RSBN1: variants seen among roughly 807,000 people sequenced by gnomAD.
RSBN1 encodes lysine-specific demethylase 9.
RSBN1 carries 23 observed loss-of-function variants against 74.8 expected under a neutral mutation model. That is an observed-to-expected ratio of 0.31 (90% CI 0.22 to 0.44). RSBN1 has a LOEUF of 0.44. Ranked by LOEUF, RSBN1 falls within the 20% of genes least tolerant of loss-of-function variation. The pLI, the probability that RSBN1 is intolerant of heterozygous loss-of-function variation, is 1.00. For missense variants in RSBN1, 808 were observed against 1,020.9 expected, an observed-to-expected ratio of 0.79 and a Z score of 2.84; for synonymous variants, 407 against 379.6, an observed-to-expected ratio of 1.07 and a Z score of -0.84.
At chr1:113,773,341 A>G (rs1659917564) in intron 4 of RSBN1, among the ~76,000 whole-genome samples, 2 of 152,174 alleles carry the variant, frequency 1.3e-5, no homozygotes, top group Non-Finnish European at 2.9e-5. Context: ...CCTGGCCAAT[A>G]TGGCGAAACC....
intron 2 of RSBN1, among the ~76,000 whole-genome samples, chr1:113,780,214 A>G (rs1307349948): frequency 6.6e-6 from 1 of 152,226 alleles, no homozygotes; most frequent in African/African-American, 2.4e-5. Flanking sequence ...CCTAATTTAA[A>G]GCAGCCAAAA....
intron 2 of RSBN1, among the ~76,000 whole-genome samples, chr1:113,786,565 G>A (rs1297218680): frequency 6.6e-6 from 1 of 152,304 alleles, no homozygotes; most frequent in East Asian, 1.9e-4. Flanking sequence ...GATGGAGGAA[G>A]GGGCCACAAG....
intron 2 of RSBN1, among the ~76,000 whole-genome samples, chr1:113,795,225 C>T (rs1660447391): frequency 6.6e-6 from 1 of 152,168 alleles, no homozygotes; most frequent in South Asian, 2.1e-4. Context: ...GTTCAGGTGG[C>T]CTGGGTTTGC....
intron 2 of RSBN1, among the ~76,000 whole-genome samples, chr1:113,795,154 C>T (rs999818316): frequency 8.5e-5 from 13 of 152,132 alleles, no homozygotes; most frequent in African/African-American, 3.1e-4. Context: ...ATTTCACTGA[C>T]CAGAGTGTTA....
chr1:113,810,235 T>A (rs1197378171), intron 1 of RSBN1, among the ~76,000 whole-genome samples: 1 of 152,222 alleles, frequency 6.6e-6, no homozygotes, highest in Non-Finnish European at 1.5e-5. Flanking sequence ...TTCACCTTTT[T>A]AAAAAATATT....
At chr1:113,795,098 T>C (rs1660444863) in intron 2 of RSBN1, among the ~76,000 whole-genome samples, 1 of 152,224 alleles carries the variant, frequency 6.6e-6, no homozygotes, top group Non-Finnish European at 1.5e-5. Flanking sequence ...GTTAAAAATA[T>C]TAGAAACAAA....
intron 1 of RSBN1, among the ~76,000 whole-genome samples, chr1:113,803,876 G>T (rs1443740938): frequency 6.8e-6 from 1 of 147,258 alleles, no homozygotes; most frequent in Non-Finnish European, 1.5e-5. Context: ...ACTGAGGCAG[G>T]AAGACTGCTA....
chr1:113,803,788 ATCTAAATTTTCTCAT>A (rs1250879931), intron 1 of RSBN1, among the ~76,000 whole-genome samples: 1 of 152,070 alleles, frequency 6.6e-6, no homozygotes, highest in African/African-American at 2.4e-5. Context: ...ATCTCTTTAA[ATCTAAATTTTCTCAT>A]CTTAAAATGT....
At chr1:113,767,946 G>A (rs1659811472) in intron 5 of RSBN1, 2 of 262,796 alleles carry the variant, frequency 7.6e-6, no homozygotes, top group Non-Finnish European at 1.4e-5. Context: ...AAAGTAGAAT[G>A]ATGGTTACCA....
chr1:113,786,334 TA>T (rs1660242935), intron 2 of RSBN1, among the ~76,000 whole-genome samples: 1 of 152,176 alleles, frequency 6.6e-6, no homozygotes, highest in Non-Finnish European at 1.5e-5. Context: ...CCAAAGAACC[TA>T]ACCCCTAGAA....
rs1660526647 is a variant in RSBN1, at chr1:113,798,995, C to T, written c.704-959G>A. Among the ~76,000 whole-genome samples, 3 of 152,300 alleles carry T rather than the reference C, an allele frequency of 2.0e-5. No individual in the cohort carries two copies. In the South Asian group the frequency reaches 6.2e-4, roughly 32 times the overall value. ...TAAGCTTTGTATCCCCATCTCAGCA[C>T]TTATACTCTGTGTTATTAACATTTC... On this transcript the variant is annotated intron_variant, in intron 1 of 6. Transcript: ENST00000261441.
intron 2 of RSBN1, chr1:113,796,253 G>A (rs1317491578): frequency 6.6e-6 from 1 of 152,120 alleles, no homozygotes; most frequent in African/African-American, 2.4e-5. Flanking sequence ...CCAACATCTT[G>A]GGCAGCCCCA....
At chr1:113,795,733 T>C (rs560034615) in intron 2 of RSBN1, among the ~76,000 whole-genome samples, 1 of 152,228 alleles carries the variant, frequency 6.6e-6, no homozygotes, top group Non-Finnish European at 1.5e-5. Flanking sequence ...AGCTCCATTT[T>C]AAAAAATTAA....
intron 5 of RSBN1, 54 bp from the exon 6 acceptor site, chr1:113,767,261 T>C (rs1434358980): frequency 4.8e-6 from 5 of 1,047,848 alleles, no homozygotes; most frequent in Non-Finnish European, 7.1e-6. Context: ...TGAAAAATGA[T>C]GACAAATTTC....
chr1:113,811,239 G>A (rs1355073260), intron 1 of RSBN1, among the ~76,000 whole-genome samples: 1 of 152,208 alleles, frequency 6.6e-6, no homozygotes, highest in African/African-American at 2.4e-5. Context: ...CAGAAGCTAA[G>A]TCAACCAGTG....
At chr1:113,771,830 AGG>A (rs1659889813) in intron 4 of RSBN1, among the ~76,000 whole-genome samples, 2 of 150,054 alleles carry the variant, frequency 1.3e-5, no homozygotes, top group Non-Finnish European at 3.0e-5. Flanking sequence ...AAAAAAAAAA[AGG>A]AGGGTAATCA....
chr1:113,764,434 G>A lies in RSBN1; in HGVS notation c.*1546C>T, dbSNP rs1454326823. 2.0e-5 allele frequency: 3 copies of A among 152,504 alleles called. No individual in the cohort carries two copies. The highest frequency in any genetic ancestry group is 1.3e-4 in the Admixed American group (2 of 15,248). The allele number at this position is 152,504 out of a possible 1,614,324, so 9.4% of individuals were successfully genotyped here. A position where few individuals can be genotyped will look rare whatever the true frequency, so the allele number is the denominator to read the frequency against. On this transcript the variant is annotated 3_prime_UTR_variant, in exon 7 of 7. Coordinates refer to ENST00000261441, the MANE Select transcript of RSBN1 (RefSeq NM_018364.5). ...TTTGCTGATGGTTACTTTTCTATCGGTTTACACAGTGACCTCTATACTTTG... is the reference window on the plus strand; with the variant it reads ...TTTGCTGATGGTTACTTTTCTATCGATTTACACAGTGACCTCTATACTTTG...
intron 1 of RSBN1, among the ~76,000 whole-genome samples, chr1:113,806,218 C>T (rs1660696997): frequency 1.3e-5 from 2 of 151,678 alleles, no homozygotes; most frequent in Non-Finnish European, 2.9e-5. Flanking sequence ...GCCTGTAATC[C>T]CAGCTACTCA....
intron 2 of RSBN1, among the ~76,000 whole-genome samples, chr1:113,793,419 A>G (rs1223892461): frequency 6.6e-6 from 1 of 152,218 alleles, no homozygotes; most frequent in Non-Finnish European, 1.5e-5. Flanking sequence ...TGGATAAAAT[A>G]AACACTTCAT....
Sources: gnomAD v4.1 joint callset for allele counts (sites outside exome capture counted in the v4.1 genomes callset) on GRCh38, gnomAD v4.1.1 for gene constraint, MANE v1.5 for transcripts, NCBI Gene and HGNC (gene_info 2026-07-23, HGNC 2026-07-21) for gene names.